SLC9A8: variants seen among roughly 807,000 people sequenced by gnomAD.
SLC9A8 encodes sodium/hydrogen exchanger 8.
Under a neutral mutation model 66.6 loss-of-function variants are expected in SLC9A8, and 48 were observed. The observed-to-expected ratio is 0.72, with a 90% CI of 0.57 to 0.92. The LOEUF is 0.92. SLC9A8 is among the 40% of genes least tolerant of loss of function. The pLI, the probability that SLC9A8 is intolerant of heterozygous loss-of-function variation, is 0.00. For missense variants in SLC9A8, 599 were observed against 747.3 expected, an observed-to-expected ratio of 0.80 and a Z score of 2.31; for synonymous variants, 274 against 282.6, an observed-to-expected ratio of 0.97 and a Z score of 0.31.
In SLC9A8 at chr20:49,823,063, A is replaced by C. The variant is rs766075872; in HGVS notation, c.211A>C (p.Ile71Leu). The C allele has an allele frequency of 6.2e-7, 1 of 1,610,314 alleles. No individual in the cohort carries two copies. The highest frequency in any genetic ancestry group is 8.5e-7 in the Non-Finnish European group (1 of 1,177,336). The change falls in exon 3 of 16, where the codon ATC (isoleucine) becomes CTC (leucine). Residue 71 changes from isoleucine to leucine, a missense_variant and splice_region_variant. By Grantham distance (5) the Ile-to-Leu change is conservative. Transcript: ENST00000361573. The part of the protein sequence containing the change: ...TIFFSLLVLA[I>L]CIILVHLLIR... ...TTGTATTATTTTTTTTTCCACAGCT[A>C]TCTGCATCATATTGGTGCATTTACT...
intron 3 of SLC9A8, among the ~76,000 whole-genome samples, chr20:49,832,700 C>G (rs147600066): frequency 9.9e-5 from 15 of 151,690 alleles, no homozygotes; most frequent in Middle Eastern, 3.4e-3. Context: ...AGGTTTTTAG[C>G]ACAGTTTATT....
intron 2 of SLC9A8, among the ~76,000 whole-genome samples, chr20:49,817,869 T>C (rs778985088): frequency 6.6e-6 from 1 of 152,222 alleles, no homozygotes; most frequent in Non-Finnish European, 1.5e-5. Flanking sequence ...TATTTTCTTT[T>C]TCTTTTGTGA....
At chr20:49,842,155 C>T (rs957293410) in intron 4 of SLC9A8, among the ~76,000 whole-genome samples, 4 of 151,550 alleles carry the variant, frequency 2.6e-5, no homozygotes, top group African/African-American at 4.9e-5. Flanking sequence ...CTGCAACCTC[C>T]GCCTCCCAGG....
intron 3 of SLC9A8, chr20:49,830,270 C>A: frequency 1.8e-6 from 2 of 1,111,460 alleles, no homozygotes; most frequent in Non-Finnish European, 2.8e-6. Flanking sequence ...GAAGTGGAAT[C>A]GTCTCTAACT....
Position 49,874,748 on chromosome 20 carries a change from C to T in SLC9A8, c.1002C>T (p.Tyr334=). 1 of 1,613,872 alleles carries T rather than the reference C, an allele frequency of 6.2e-7. No individual in the cohort carries two copies. Among genetic ancestry groups the T allele is most frequent in the Non-Finnish European group, 8.5e-7 (1 of 1,179,756 alleles). ...ILFSGIVMSH[Y]THHNLSPVTQ... ...TCTCAGGCATCGTGATGTCCCACTA[C>T]ACGCACCATAACCTCTCCCCAGTCA... Residue 334 remains tyrosine (Y), a synonymous_variant, in exon 11 of 16, where the codon TAC becomes TAT. Coordinates refer to ENST00000361573, the MANE Select transcript of SLC9A8 (RefSeq NM_015266.3).
At chr20:49,832,657 A>T (rs574466995) in intron 3 of SLC9A8, among the ~76,000 whole-genome samples, 104 of 152,274 alleles carry the variant, frequency 6.8e-4, no homozygotes, top group Non-Finnish European at 1.4e-3. Context: ...GGATTGCAGA[A>T]GACGAGGTGG....
chr20:49,814,726 A>G (rs1021540821), intron 1 of SLC9A8, among the ~76,000 whole-genome samples: 14 of 152,178 alleles, frequency 9.2e-5, no homozygotes, highest in African/African-American at 3.4e-4. Flanking sequence ...TAAATCCCCC[A>G]GTATTTGCCA....
rs762841232 is a variant in SLC9A8 at position 49,849,590 on chromosome 20, T to G, written c.444T>G (p.Phe148Leu). 6.2e-7 allele frequency: 1 copy of G among 1,613,098 alleles called. No individual in the cohort carries two copies. Among genetic ancestry groups the G allele is most frequent in the Non-Finnish European group, 8.5e-7 (1 of 1,179,056 alleles). The change falls in exon 6 of 16, where the codon TTT becomes TTG. Residue 148 changes from phenylalanine to leucine, a missense_variant. Phe to Leu is a conservative substitution (Grantham distance 22, BLOSUM62 0). Transcript: ENST00000361573. Reference protein sequence around the residue: ...SGYSLHKGNFFQNIGSITLFA... With the variant: ...SGYSLHKGNFLQNIGSITLFA... ...GCTCTTTCAAACAGGGTAACTTCTT[T>G]CAAAATATTGGTTCCATCACCCTGT...
intron 15 of SLC9A8, among the ~76,000 whole-genome samples, chr20:49,887,268 C>G (rs2089925229): frequency 6.6e-6 from 1 of 152,148 alleles, no homozygotes; most frequent in Admixed American, 6.5e-5. Context: ...TCCCTCGGGG[C>G]ACTGCTGGCC....
At chr20:49,826,783 GA>G (rs1182144861) in intron 3 of SLC9A8, among the ~76,000 whole-genome samples, 1 of 152,040 alleles carries the variant, frequency 6.6e-6, no homozygotes, top group Non-Finnish European at 1.5e-5. Context: ...ATAGAAAAAA[GA>G]AAAATCTTGT....
At position 49,881,691 on chromosome 20, in the gene SLC9A8, A is replaced by C. The variant is rs976920746; in HGVS notation, c.1270+656A>C. On this transcript the variant is annotated intron_variant, in intron 13 of 15. Transcript: ENST00000361573. ...ACTATAATGTTCTCTATCCAAAGGC[A>C]TATCTGCAAGTTTGTCTCAGATTTC... 3.9e-5 allele frequency among the ~76,000 whole-genome samples: 6 copies of C among 152,192 alleles called. No individual in the cohort carries two copies. The East Asian group carries it at 1.2e-3, about 29-fold the overall frequency.
chr20:49,836,457 G>C (rs891644119), intron 3 of SLC9A8, among the ~76,000 whole-genome samples: 2 of 152,052 alleles, frequency 1.3e-5, no homozygotes, highest in African/African-American at 4.8e-5. Flanking sequence ...CCTCTCCCAA[G>C]TAGCTGGGAC....
chr20:49,863,640 G>A (rs2088838847), intron 9 of SLC9A8, among the ~76,000 whole-genome samples: 1 of 152,172 alleles, frequency 6.6e-6, no homozygotes, highest in African/African-American at 2.4e-5. Context: ...TTGCAAAAGG[G>A]GCTTTCAAAG....
chr20:49,853,065 T>A (rs1480174663), intron 7 of SLC9A8, among the ~76,000 whole-genome samples: 2 of 152,118 alleles, frequency 1.3e-5, no homozygotes, highest in Admixed American at 6.5e-5. Flanking sequence ...ACAGAAAAGG[T>A]GAAGCATTGT....
chr20:49,813,898 T>C (rs935366494), intron 1 of SLC9A8, among the ~76,000 whole-genome samples: 1 of 152,190 alleles, frequency 6.6e-6, no homozygotes, highest in Non-Finnish European at 1.5e-5. Flanking sequence ...GGACGGGCTG[T>C]GTCCTCCAGG....
intron 8 of SLC9A8, among the ~76,000 whole-genome samples, chr20:49,859,468 G>A (rs1407216332): frequency 6.8e-6 from 1 of 146,376 alleles, no homozygotes; most frequent in Non-Finnish European, 1.5e-5. Flanking sequence ...ACTTACCCCC[G>A]CCTCCCCCTC....
chr20:49,850,851 C>A lies in SLC9A8; in HGVS notation c.569+7C>A. The A allele has an allele frequency of 6.3e-7, 1 of 1,597,160 alleles. No individual in the cohort carries two copies. ...AACTCAACATGACAGACAGGTAAAT[C>A]CTTCATACTGTAACACCCATGCGAC... On this transcript the variant is annotated splice_region_variant and intron_variant, in intron 7 of 15. Coordinates refer to ENST00000361573, the MANE Select transcript of SLC9A8 (RefSeq NM_015266.3).
rs1443503931 is a variant in SLC9A8 at position 49,887,815 on chromosome 20, GTC to G, written c.1639-9_1639-8del. ...CCTGACGCCCTGACGGCTTGGTTGT[GTC>G]TCTCGACCCAGGACCTGCACCACGG... is the stretch of plus-strand genomic sequence containing the variant. On this transcript the variant is annotated splice_polypyrimidine_tract_variant and intron_variant, in intron 15 of 15. Coordinates refer to ENST00000361573, the MANE Select transcript of SLC9A8 (RefSeq NM_015266.3). 3.8e-6 allele frequency: 6 copies of G among 1,576,778 alleles called. No homozygotes were observed. The highest frequency in any genetic ancestry group is 5.2e-6 in the Non-Finnish European group (6 of 1,157,780).
chr20:49,834,571 G>A (rs1160494202), intron 3 of SLC9A8, among the ~76,000 whole-genome samples: 4 of 149,796 alleles, frequency 2.7e-5, no homozygotes, highest in East Asian at 2.0e-4. Context: ...TCTCTGTTGG[G>A]TAGATTGATT....
Sources: allele counts gnomAD v4.1 joint callset (sites outside exome capture counted in the v4.1 genomes callset), GRCh38; gene constraint gnomAD v4.1.1; transcripts MANE v1.5; gene names NCBI Gene and HGNC (gene_info 2026-07-23, HGNC 2026-07-21).